The following GNAO1 variants were observed in gnomAD, a reference collection of about 807,000 sequenced individuals.
GNAO1 encodes G protein subunit alpha o1, also known as guanine nucleotide-binding protein G(o) subunit alpha.
For synonymous variants in GNAO1, 164 were observed against 180.7 expected (o/e 0.91, Z 0.74); for missense variants, 166 against 478.7 (o/e 0.35, Z 6.10).
At chr16:56,255,333 C>G (rs764658830) in intron 2 of GNAO1, among the ~76,000 whole-genome samples, 7 of 152,166 alleles carry the variant, frequency 4.6e-5, no homozygotes, top group Non-Finnish European at 7.3e-5. Flanking sequence ...TAAGTATTTT[C>G]CATAGATGAG....
At chr16:56,267,487 G>T (rs535339250) in intron 2 of GNAO1, among the ~76,000 whole-genome samples, 3 of 152,266 alleles carry the variant, frequency 2.0e-5, no homozygotes, top group East Asian at 1.9e-4. Flanking sequence ...GACAAGGGGG[G>T]CTCTGGGAGG....
At chr16:56,345,901 C>T (rs1487446029) in intron 6 of GNAO1, 1 of 985,370 alleles carries the variant, frequency 1.0e-6, no homozygotes, top group African/African-American at 1.7e-5. Context: ...GGCCATCACC[C>T]TGGAGGTGGA....
At chr16:56,316,284 C>A (rs1043099500) in intron 3 of GNAO1, among the ~76,000 whole-genome samples, 1 of 152,172 alleles carries the variant, frequency 6.6e-6, no homozygotes, top group Non-Finnish European at 1.5e-5. Flanking sequence ...TTTCCTCTGC[C>A]AGGCTCTATG....
chr16:56,298,311 G>A (rs1459618973), intron 3 of GNAO1, among the ~76,000 whole-genome samples: 1 of 152,320 alleles, frequency 6.6e-6, no homozygotes, highest in East Asian at 1.9e-4. Context: ...AAGAGGATGC[G>A]AGCCCCAGAT....
Position 56,354,667 on chromosome 16 carries a change from ACT to A in GNAO1, c.878-196_878-195del, listed in dbSNP as rs1379199003. Among the ~76,000 whole-genome samples the A allele has an allele frequency of 6.6e-6, 1 of 152,074 alleles. No individual in the cohort carries two copies. Among genetic ancestry groups the A allele is most frequent in the Non-Finnish European group, 1.5e-5 (1 of 68,012 alleles). ...CTCCAGCCTGGGCAATAAGAGCAAA[ACT>A]CTGTCTCAAAAAAATAGTTCTTTAA... is the stretch of plus-strand genomic sequence containing the variant. On this transcript the variant is annotated intron_variant, in intron 7 of 8. Coordinates refer to ENST00000262493, the MANE Select transcript of GNAO1 (RefSeq NM_020988.3). The surrounding 1 kb of genome is among the most constrained non-coding windows in gnomAD (Gnocchi z 4.3).
chr16:56,247,483 T>G (rs1435342425), intron 2 of GNAO1, among the ~76,000 whole-genome samples: 1 of 81,998 alleles, frequency 1.2e-5, no homozygotes, highest in African/African-American at 6.6e-5. Context: ...TAGGGTGAGG[T>G]TTTTTTTTTT....
chr16:56,320,140 A>G (rs9932940), intron 3 of GNAO1, among the ~76,000 whole-genome samples: 1 of 152,160 alleles, frequency 6.6e-6, no homozygotes, highest in African/African-American at 2.4e-5. Flanking sequence ...TCCTAAACCC[A>G]TAAGAATGGC....
At chr16:56,338,445 C>T (rs2037764075) in intron 6 of GNAO1, among the ~76,000 whole-genome samples, 1 of 152,254 alleles carries the variant, frequency 6.6e-6, no homozygotes, top group Non-Finnish European at 1.5e-5. Flanking sequence ...ATGTGCCCCT[C>T]ACAGTGACTA....
At chr16:56,283,311 C>T (rs1448813851) in intron 3 of GNAO1, among the ~76,000 whole-genome samples, 2 of 152,162 alleles carry the variant, frequency 1.3e-5, no homozygotes, top group Non-Finnish European at 2.9e-5. Flanking sequence ...TCTCAGTCAC[C>T]TACCTAAGCA....
chr16:56,252,082 G>A (rs1243384591), intron 2 of GNAO1, among the ~76,000 whole-genome samples: 1 of 152,178 alleles, frequency 6.6e-6, no homozygotes, highest in Non-Finnish European at 1.5e-5. Flanking sequence ...CCTCAAAGTA[G>A]GGCCACACCA....
intron 2 of GNAO1, among the ~76,000 whole-genome samples, chr16:56,229,548 A>T (rs2036568184): frequency 6.6e-6 from 1 of 152,114 alleles, no homozygotes; most frequent in Non-Finnish European, 1.5e-5. Context: ...AGTACTGGGG[A>T]CCAGGAGCTA....
intron 6 of GNAO1, among the ~76,000 whole-genome samples, chr16:56,337,297 G>A (rs1365078147): frequency 6.6e-6 from 1 of 152,264 alleles, no homozygotes; most frequent in African/African-American, 2.4e-5. Flanking sequence ...ATGGGGCCGG[G>A]GATGCTGAGG....
At chr16:56,294,899 G>A (rs56143613) in intron 3 of GNAO1, among the ~76,000 whole-genome samples, 42,693 of 151,962 alleles carry the variant, frequency 0.28, 6,453 homozygotes, top group Middle Eastern at 0.35. Context: ...TTTGGGCCAT[G>A]CGTATATCTT....
intron 3 of GNAO1, among the ~76,000 whole-genome samples, chr16:56,308,866 G>C (rs926526498): frequency 6.6e-6 from 1 of 152,110 alleles, no homozygotes. Context: ...GTGGCTTCAC[G>C]GGGAGGCCAG....
intron 2 of GNAO1, chr16:56,194,007 C>A (rs2036206717): frequency 4.9e-6 from 2 of 411,668 alleles, no homozygotes; most frequent in African/African-American, 4.1e-5. Flanking sequence ...GAGTGGGAGA[C>A]GAAGCATGCT....
Position 56,309,692 on chromosome 16 carries a change from G to C in GNAO1, c.304-18939G>C, listed in dbSNP as rs1301413626. Among the ~76,000 whole-genome samples, 4 of 152,296 alleles carry C rather than the reference G, an allele frequency of 2.6e-5. 1 individual carries two copies. In the South Asian group the frequency reaches 8.3e-4, roughly 32 times the overall value. ...TCTGCTAGGAGAAGAGGGAGGTGAAGTGACCTGTTTCCAGTCCCACCACCC... is the reference window on the plus strand; with the variant it reads ...TCTGCTAGGAGAAGAGGGAGGTGAACTGACCTGTTTCCAGTCCCACCACCC... On this transcript the variant is annotated intron_variant, in intron 3 of 8. Coordinates refer to ENST00000262493, the MANE Select transcript of GNAO1 (RefSeq NM_020988.3).
chr16:56,294,742 G>T (rs761322968), intron 3 of GNAO1, among the ~76,000 whole-genome samples: 2 of 152,140 alleles, frequency 1.3e-5, no homozygotes, highest in African/African-American at 2.4e-5. Context: ...CAACATATAA[G>T]GATTCCTGTT....
intron 3 of GNAO1, chr16:56,302,281 G>C (rs1233686770): frequency 6.6e-6 from 1 of 152,382 alleles, no homozygotes; most frequent in African/African-American, 2.4e-5. Context: ...TCTAGCCTCT[G>C]CTTCCCAGCC....
chr16:56,285,304 G>A (rs1280715631), intron 3 of GNAO1, among the ~76,000 whole-genome samples: 1 of 151,082 alleles, frequency 6.6e-6, no homozygotes, highest in African/African-American at 2.4e-5. Context: ...GTGGGAAAAT[G>A]TTATAACCAC....
Sources: allele counts gnomAD v4.1 joint callset (sites outside exome capture counted in the v4.1 genomes callset), GRCh38; gene constraint gnomAD v4.1.1; non-coding constraint Gnocchi (gnomAD v3.1); transcripts MANE v1.5; gene names NCBI Gene and HGNC (gene_info 2026-07-23, HGNC 2026-07-21).